The following IQGAP2 variants were observed in gnomAD, a reference collection of about 807,000 sequenced individuals.
IQGAP2 encodes IQ motif containing GTPase activating protein 2.
In IQGAP2, 173 loss-of-function variants were observed where a neutral mutation model predicts 201.3. The observed-to-expected ratio is 0.86, with a 90% CI of 0.76 to 0.98. The LOEUF (loss-of-function observed/expected upper bound fraction) is 0.98. Among genes scored for constraint, IQGAP2 ranks in the 50% least tolerant of loss-of-function variants. The probability of loss-of-function intolerance (pLI) is 0.00; values close to 1 mark genes in which losing one functional copy is unlikely to be tolerated. For missense variants in IQGAP2, 1,687 were observed against 1,864.8 expected (o/e 0.90, Z 1.76); for synonymous variants, 675 against 673.9 (o/e 1.00, Z -0.03).
intron 17 of IQGAP2, among the ~76,000 whole-genome samples, chr5:76,646,844 T>G (rs1752078279): frequency 6.6e-6 from 1 of 152,216 alleles, no homozygotes; most frequent in Admixed American, 6.5e-5. Flanking sequence ...TTAAGTTTAC[T>G]CATGTATATT....
chr5:76,703,039 G>A (rs12054930), intron 35 of IQGAP2, among the ~76,000 whole-genome samples: 8,698 of 80,458 alleles, frequency 0.11, 574 homozygotes, highest in Non-Finnish European at 0.13. Flanking sequence ...GCATTGAGAA[G>A]GGGTCTTGCT....
intron 1 of IQGAP2, among the ~76,000 whole-genome samples, chr5:76,426,559 C>T (rs987680910): frequency 6.6e-6 from 1 of 152,338 alleles, no homozygotes; most frequent in African/African-American, 2.4e-5. Flanking sequence ...TCGAGCTCTT[C>T]AAACACTGGG....
chr5:76,493,140 T>C (rs980721671), intron 2 of IQGAP2, among the ~76,000 whole-genome samples: 3 of 152,208 alleles, frequency 2.0e-5, no homozygotes, highest in African/African-American at 7.2e-5. Context: ...CTTGCTCTGT[T>C]CTCAACATGG....
At chr5:76,687,469 A>G (rs551658481) in intron 30 of IQGAP2, among the ~76,000 whole-genome samples, 1 of 152,382 alleles carries the variant, frequency 6.6e-6, no homozygotes, top group South Asian at 2.1e-4. Context: ...TTGACAGGGA[A>G]CCTGAAAACT....
chr5:76,492,260 G>C (rs1487056764), intron 2 of IQGAP2, among the ~76,000 whole-genome samples: 1 of 152,190 alleles, frequency 6.6e-6, no homozygotes, highest in Non-Finnish European at 1.5e-5. Context: ...ACAGAGCACA[G>C]CATGCACCTG....
At chr5:76,517,257 CAT>C (rs755530020) in intron 2 of IQGAP2, among the ~76,000 whole-genome samples, 66 of 152,184 alleles carry the variant, frequency 4.3e-4, no homozygotes, top group Admixed American at 1.0e-3. Context: ...CGTGCACACA[CAT>C]GTAAATATGC....
At chr5:76,561,462 A>G (rs1390677292) in intron 2 of IQGAP2, among the ~76,000 whole-genome samples, 4 of 152,324 alleles carry the variant, frequency 2.6e-5, no homozygotes, top group Non-Finnish European at 4.4e-5. Flanking sequence ...ATGATCCTCT[A>G]GGGAGACTGT....
intron 21 of IQGAP2, 33 bp downstream of exon 21, chr5:76,658,700 G>A: frequency 1.9e-6 from 3 of 1,554,264 alleles, no homozygotes; most frequent in Non-Finnish European, 2.7e-6. Flanking sequence ...TCAGCTCCCA[G>A]AAGAGGGAAG....
chr5:76,632,050 A>G, intron 15 of IQGAP2, 24 bp downstream of exon 15: 1 of 1,558,098 alleles, frequency 6.4e-7, no homozygotes, highest in Non-Finnish European at 8.7e-7. Flanking sequence ...TTACTTTAGC[A>G]CAAACTAAGT....
chr5:76,465,781 C>G (rs1754739130), intron 2 of IQGAP2, among the ~76,000 whole-genome samples: 1 of 152,038 alleles, frequency 6.6e-6, no homozygotes, highest in Non-Finnish European at 1.5e-5. Context: ...AAGCAATTCA[C>G]TATATGATAG....
chr5:76,410,242 T>G (rs888096572), intron 1 of IQGAP2, among the ~76,000 whole-genome samples: 8 of 152,152 alleles, frequency 5.3e-5, no homozygotes, highest in African/African-American at 1.9e-4. Context: ...GAATTTGAAA[T>G]GACCTTGAGG....
intron 33 of IQGAP2, among the ~76,000 whole-genome samples, chr5:76,698,932 G>C (rs568248416): frequency 6.6e-6 from 1 of 152,142 alleles, no homozygotes; most frequent in South Asian, 2.1e-4. Flanking sequence ...ATTACAATGT[G>C]AAATAATTAA....
chr5:76,675,599 C>G (rs1281538977), intron 27 of IQGAP2, among the ~76,000 whole-genome samples: 1 of 152,160 alleles, frequency 6.6e-6, no homozygotes, highest in Non-Finnish European at 1.5e-5. Context: ...GAAACACTTT[C>G]CTCTTGTCAT....
intron 17 of IQGAP2, among the ~76,000 whole-genome samples, chr5:76,651,415 C>CA (rs1291127162): frequency 1.3e-5 from 2 of 152,092 alleles, no homozygotes; most frequent in Admixed American, 1.3e-4. Flanking sequence ...CCAGCCTGGG[C>CA]AACATAGTGA....
At chr5:76,515,671 A>T (rs1758272884) in intron 2 of IQGAP2, among the ~76,000 whole-genome samples, 1 of 152,192 alleles carries the variant, frequency 6.6e-6, no homozygotes, top group South Asian at 2.1e-4. Flanking sequence ...CACCAAGTTG[A>T]ATTTCAGCTT....
chr5:76,506,267 C>T (rs1011577031), intron 2 of IQGAP2, among the ~76,000 whole-genome samples: 13 of 152,200 alleles, frequency 8.5e-5, no homozygotes, highest in African/African-American at 1.4e-4. Flanking sequence ...GCTATTTCCC[C>T]TCTCTCTATC....
At chr5:76,601,450 G>A (rs1048002954) in intron 11 of IQGAP2, among the ~76,000 whole-genome samples, 4 of 151,892 alleles carry the variant, frequency 2.6e-5, no homozygotes, top group East Asian at 1.9e-4. Context: ...ACCACAGTGG[G>A]TCATGGCAGT....
Position 76,631,861 on chromosome 5 carries a change from G to T in IQGAP2, c.1615G>T (p.Val539Phe), listed in dbSNP as rs781016585. Residue 539 changes from valine (V) to phenylalanine (F), a missense_variant and splice_region_variant, in exon 15 of 36, where the codon GTT (valine) becomes TTT (phenylalanine). Coordinates refer to ENST00000274364, the MANE Select transcript of IQGAP2 (RefSeq NM_006633.5). ...AAACTTTTTTTTCAATTACCCAGGG[G>T]TTACTCTGGTGGTTGATGTTAATCA... ...NVDKDRAKQW[V>F]TLVVDVNQCL... The T allele has an allele frequency of 1.0e-5, 16 of 1,578,798 alleles. No individual in the cohort carries two copies. Among genetic ancestry groups the T allele is most frequent in the South Asian group, 4.7e-5 (4 of 85,530 alleles).
chr5:76,457,031 C>T, intron 1 of IQGAP2, among the ~76,000 whole-genome samples: 1 of 151,270 alleles, frequency 6.6e-6, no homozygotes, highest in Non-Finnish European at 1.5e-5. Context: ...GCTTTGTCAC[C>T]CAGGCTGGAA....
Sources: allele counts gnomAD v4.1 joint callset (sites outside exome capture counted in the v4.1 genomes callset), GRCh38; gene constraint gnomAD v4.1.1; transcripts MANE v1.5; gene names NCBI Gene and HGNC (gene_info 2026-07-23, HGNC 2026-07-21).